The following NCOA1 variants were observed in gnomAD, a reference collection of about 807,000 sequenced individuals.
NCOA1 encodes Hin-2 protein.
A neutral mutation model predicts 150.9 loss-of-function variants in NCOA1; 35 were observed. The observed-to-expected ratio is 0.23, with a 90% CI of 0.18 to 0.31. The LOEUF is 0.31. Among genes scored for constraint, NCOA1 ranks in the 10% least tolerant of loss-of-function variants. The pLI, the probability that NCOA1 is intolerant of heterozygous loss-of-function variation, is 1.00. For synonymous variants in NCOA1, 590 were observed against 630.0 expected (o/e 0.94, Z 0.95); for missense variants, 1,491 against 1,749.3 (o/e 0.85, Z 2.63).
intron 7 of NCOA1, among the ~76,000 whole-genome samples, chr2:24,682,124 T>C (rs1392047026): frequency 6.6e-6 from 1 of 152,228 alleles, no homozygotes; most frequent in Non-Finnish European, 1.5e-5. Context: ...AGGATTTTTA[T>C]GGTCATTTTA....
intron 3 of NCOA1, among the ~76,000 whole-genome samples, chr2:24,604,183 G>A (rs1668253113): frequency 6.6e-6 from 1 of 152,186 alleles, no homozygotes; most frequent in Non-Finnish European, 1.5e-5. Flanking sequence ...GTAAACAGAT[G>A]TGCTGTCATC....
intron 3 of NCOA1, among the ~76,000 whole-genome samples, chr2:24,640,334 G>A (rs1221240931): frequency 6.6e-6 from 1 of 152,128 alleles, no homozygotes; most frequent in Non-Finnish European, 1.5e-5. Context: ...TTTAGGACAA[G>A]CTAGTCATCA....
intron 1 of NCOA1, among the ~76,000 whole-genome samples, chr2:24,511,547 G>C (rs1312472679): frequency 6.6e-6 from 1 of 152,152 alleles, no homozygotes; most frequent in African/African-American, 2.4e-5. Context: ...TGTCTCTTCA[G>C]ATCTTTTGCT....
At chr2:24,507,445 T>TTG (rs1354140545) in intron 1 of NCOA1, among the ~76,000 whole-genome samples, 1 of 151,332 alleles carries the variant, frequency 6.6e-6, no homozygotes, top group East Asian at 1.9e-4. Context: ...GTTTTTTTTT[T>TTG]TTTTTTTTTT....
intron 3 of NCOA1, among the ~76,000 whole-genome samples, chr2:24,640,415 G>A (rs539315010): frequency 6.6e-6 from 1 of 152,184 alleles, no homozygotes; most frequent in East Asian, 1.9e-4. Flanking sequence ...ATTGAGAGAG[G>A]AATGTTAAAA....
intron 20 of NCOA1, among the ~76,000 whole-genome samples, chr2:24,752,640 AC>A (rs1212497691): frequency 2.0e-5 from 3 of 152,178 alleles, no homozygotes; most frequent in Non-Finnish European, 4.4e-5. Context: ...AGAAATGGGT[AC>A]TTTTTTAAAA....
intron 14 of NCOA1, among the ~76,000 whole-genome samples, chr2:24,723,166 G>C (rs1263922815): frequency 6.6e-6 from 1 of 151,884 alleles, no homozygotes; most frequent in African/African-American, 2.4e-5. Context: ...CAAAAATTAC[G>C]TACATAGACT....
intron 2 of NCOA1, among the ~76,000 whole-genome samples, chr2:24,569,552 A>T (rs371727775): frequency 9.6e-5 from 9 of 93,794 alleles, no homozygotes; most frequent in Admixed American, 3.1e-4. Context: ...GGTTTTATTA[A>T]TTTTTTTTTT....
chr2:24,730,911 G>C lies in NCOA1; in HGVS notation c.3201+1096G>C, dbSNP rs540217327. Among the ~76,000 whole-genome samples the C allele has an allele frequency of 2.4e-4, 36 of 149,542 alleles. 1 individual carries two copies. The highest frequency in any genetic ancestry group is 4.3e-4 in the Non-Finnish European group (29 of 67,558). ...AAAAAAAACGGGCATGGTGGCACGTGCCTATAATCCCAGCTACTCTGGAGG... is the reference window on the plus strand; with the variant it reads ...AAAAAAAACGGGCATGGTGGCACGTCCCTATAATCCCAGCTACTCTGGAGG... On this transcript the variant is annotated intron_variant, in intron 17 of 22. Transcript: ENST00000348332.
rs180765129 is a variant in NCOA1 at position 24,736,312 on chromosome 2, C to T, written c.3202-3120C>T. ...TCCACTCCAGTTTTGTTTTCTTCCC[C>T]AGCAAGGATCATGATCTTCATAACT... On this transcript the variant is annotated intron_variant, in intron 17 of 22. Transcript: ENST00000348332. Among the ~76,000 whole-genome samples, 93 of 152,026 alleles carry T rather than the reference C, an allele frequency of 6.1e-4. 2 individuals are homozygous for T. Among genetic ancestry groups the T allele is most frequent in the African/African-American group, 1.7e-3 (70 of 41,472 alleles).
chr2:24,517,123 A>C (rs149230547), intron 1 of NCOA1, among the ~76,000 whole-genome samples: 1 of 151,136 alleles, frequency 6.6e-6, no homozygotes, highest in East Asian at 2.0e-4. Context: ...TCTAGGCCCC[A>C]TGTTTTCCTA....
At chr2:24,592,835 A>C (rs1228961060) in intron 3 of NCOA1, among the ~76,000 whole-genome samples, 2 of 152,110 alleles carry the variant, frequency 1.3e-5, no homozygotes, top group Non-Finnish European at 2.9e-5. Context: ...TTAAATTAAC[A>C]GTAACGTAGT....
At position 24,553,135 on chromosome 2, in the gene NCOA1, T is replaced by A. The variant is rs116496593; in HGVS notation, c.-395-11160T>A. On this transcript the variant is annotated intron_variant, in intron 1 of 22. Transcript: ENST00000348332. ...TATAATGTTAGCTATAGATTTGTTA[T>A]AGATACGTAGGTTGAGGATGTTCTC... Among the ~76,000 whole-genome samples, 234 of 152,350 alleles carry A rather than the reference T, an allele frequency of 1.5e-3. 1 individual carries two copies. The highest frequency in any genetic ancestry group is 5.6e-3 in the African/African-American group (231 of 41,590).
intron 13 of NCOA1, 67 bp downstream of exon 13, chr2:24,707,955 A>G: frequency 1.3e-6 from 2 of 1,492,766 alleles, no homozygotes; most frequent in Non-Finnish European, 1.8e-6. Context: ...ATTCTATTCC[A>G]TCTGTAGACC....
chr2:24,660,347 A>G (rs1671128148), intron 5 of NCOA1, among the ~76,000 whole-genome samples: 1 of 139,376 alleles, frequency 7.2e-6, no homozygotes, highest in African/African-American at 2.9e-5. Flanking sequence ...ATTTTATCAT[A>G]TTATTATTTT....
chr2:24,563,522 C>T (rs78822948), intron 1 of NCOA1, among the ~76,000 whole-genome samples: 2 of 145,248 alleles, frequency 1.4e-5, no homozygotes, highest in African/African-American at 5.0e-5. Context: ...AAATCTCTCT[C>T]TTTTTTTTTT....
chr2:24,586,083 T>C (rs1359096334), intron 3 of NCOA1, among the ~76,000 whole-genome samples: 6 of 151,712 alleles, frequency 4.0e-5, no homozygotes, highest in African/African-American at 1.4e-4. Context: ...GAGACCAGCC[T>C]GGGCAACATG....
At chr2:24,641,888 T>C (rs1670232509) in intron 3 of NCOA1, among the ~76,000 whole-genome samples, 1 of 152,132 alleles carries the variant, frequency 6.6e-6, no homozygotes, top group Non-Finnish European at 1.5e-5. Context: ...TCTGACAGTT[T>C]ATTTTTCACC....
At chr2:24,526,198 TA>T (rs1192524799) in intron 1 of NCOA1, among the ~76,000 whole-genome samples, 1 of 152,204 alleles carries the variant, frequency 6.6e-6, no homozygotes, top group African/African-American at 2.4e-5. Context: ...GATGTGGTTC[TA>T]GTGGTTCAGA....
Sources: allele counts gnomAD v4.1 joint callset (sites outside exome capture counted in the v4.1 genomes callset), GRCh38; gene constraint gnomAD v4.1.1; transcripts MANE v1.5; gene names NCBI Gene and HGNC (gene_info 2026-07-23, HGNC 2026-07-21).